Variants in TTC29 observed in about 807,000 individuals in gnomAD.
TTC29 encodes the protein tetratricopeptide repeat domain 29.
A neutral mutation model predicts 58.1 loss-of-function variants in TTC29; 49 were observed. That is an observed-to-expected ratio of 0.84 (90% CI 0.67 to 1.07). The LOEUF is 1.07. TTC29 is among the 50% of genes least tolerant of loss of function. The pLI, the probability that TTC29 is intolerant of heterozygous loss-of-function variation, is 0.00. For missense variants in TTC29, 582 were observed against 555.6 expected (o/e 1.05, Z -0.48); for synonymous variants, 209 against 196.8 (o/e 1.06, Z -0.52).
intron 4 of TTC29, among the ~76,000 whole-genome samples, chr4:146,917,522 A>G (rs1734304349): frequency 6.8e-6 from 1 of 146,334 alleles, no homozygotes; most frequent in Non-Finnish European, 1.5e-5. Context: ...TTACCATTAT[A>G]TATTTTATAT....
chr4:146,776,099 T>C (rs112284697), intron 11 of TTC29, among the ~76,000 whole-genome samples: 1 of 152,384 alleles, frequency 6.6e-6, no homozygotes, highest in African/African-American at 2.4e-5. Flanking sequence ...TTTGCAATTG[T>C]ATTCTGAAAT....
At chr4:146,754,046 A>C (rs879750163) in intron 11 of TTC29, among the ~76,000 whole-genome samples, 23 of 152,218 alleles carry the variant, frequency 1.5e-4, no homozygotes, top group Non-Finnish European at 2.8e-4. Flanking sequence ...CTAAAACTTA[A>C]AGTATAATAA....
At chr4:146,776,042 G>A (rs1177551621) in intron 11 of TTC29, among the ~76,000 whole-genome samples, 3 of 151,824 alleles carry the variant, frequency 2.0e-5, no homozygotes, top group Admixed American at 1.3e-4. Flanking sequence ...ACCAGTCTTC[G>A]AGCTCTGAGC....
At chr4:146,893,936 T>C (rs1732570232) in intron 6 of TTC29, among the ~76,000 whole-genome samples, 1 of 152,118 alleles carries the variant, frequency 6.6e-6, no homozygotes, top group African/African-American at 2.4e-5. Flanking sequence ...AAAATACTCA[T>C]CATCACTGGC....
chr4:146,775,835 C>T (rs534584171), intron 11 of TTC29, among the ~76,000 whole-genome samples: 62 of 152,218 alleles, frequency 4.1e-4, no homozygotes, highest in Non-Finnish European at 7.2e-4. Context: ...GGATGAAATC[C>T]TAAAATATGT....
chr4:146,717,357 C>A (rs1430018428), intron 11 of TTC29, among the ~76,000 whole-genome samples: 1 of 152,110 alleles, frequency 6.6e-6, no homozygotes, highest in Non-Finnish European at 1.5e-5. Flanking sequence ...CGGTTCACTG[C>A]AATCTCTGCC....
chr4:146,719,072 T>G (rs1298348314), intron 11 of TTC29, among the ~76,000 whole-genome samples: 1 of 152,134 alleles, frequency 6.6e-6, no homozygotes, highest in Non-Finnish European at 1.5e-5. Context: ...TCAATAACTC[T>G]ATTTTTTGCC....
chr4:146,731,268 A>G (rs1433953347), intron 11 of TTC29, among the ~76,000 whole-genome samples: 1 of 152,060 alleles, frequency 6.6e-6, no homozygotes, highest in Non-Finnish European at 1.5e-5. Flanking sequence ...GAGAGCAAAT[A>G]TAGGGAGGAG....
chr4:146,935,723 C>A (rs1227277364), intron 4 of TTC29, among the ~76,000 whole-genome samples: 2 of 152,112 alleles, frequency 1.3e-5, no homozygotes, highest in Non-Finnish European at 2.9e-5. Context: ...AAGTATTTTA[C>A]AATAAAATAT....
chr4:146,776,999 C>T (rs992515877), intron 11 of TTC29, among the ~76,000 whole-genome samples: 1 of 150,722 alleles, frequency 6.6e-6, no homozygotes. Context: ...TTCACACTGG[C>T]GGTGGTGGTG....
At chr4:146,882,919 C>T (rs551163259) in intron 6 of TTC29, among the ~76,000 whole-genome samples, 15 of 151,752 alleles carry the variant, frequency 9.9e-5, no homozygotes, top group South Asian at 2.1e-4. Flanking sequence ...ATGTGCCAGG[C>T]GTGACACTAG....
chr4:146,823,355 T>TAGGA (rs1751970252), intron 9 of TTC29, among the ~76,000 whole-genome samples: 1 of 152,220 alleles, frequency 6.6e-6, no homozygotes, highest in Non-Finnish European at 1.5e-5. Context: ...ATTTACTGAA[T>TAGGA]AGGAGATCCT....
chr4:146,818,068 C>A (rs1048555184), intron 10 of TTC29, among the ~76,000 whole-genome samples: 5 of 152,040 alleles, frequency 3.3e-5, no homozygotes, highest in Admixed American at 6.6e-5. Flanking sequence ...GCAACAAAAG[C>A]CAAAATTGAC....
chr4:146,916,201 G>T (rs1274565891), intron 4 of TTC29, among the ~76,000 whole-genome samples: 1 of 151,668 alleles, frequency 6.6e-6, no homozygotes, highest in Non-Finnish European at 1.5e-5. Context: ...AATTTAAAAA[G>T]TCATTTCTTG....
At chr4:146,769,018 A>G (rs998658913) in intron 11 of TTC29, among the ~76,000 whole-genome samples, 1 of 152,020 alleles carries the variant, frequency 6.6e-6, no homozygotes, top group Non-Finnish European at 1.5e-5. Flanking sequence ...AAATTACTAT[A>G]TCAATCAGCA....
At chr4:146,867,630 T>C (rs1290565822) in intron 7 of TTC29, 47 bp from the exon 8 acceptor site, 3 of 898,700 alleles carry the variant, frequency 3.3e-6, no homozygotes, top group Non-Finnish European at 5.0e-6. Context: ...ATAAATGATT[T>C]ATTACAACAA....
chr4:146,868,450 C>T (rs1476872361), intron 7 of TTC29, among the ~76,000 whole-genome samples: 1 of 152,074 alleles, frequency 6.6e-6, no homozygotes, highest in African/African-American at 2.4e-5. Flanking sequence ...AAATTCCATG[C>T]ATATTTGAAA....
At chr4:146,846,257 A>G (rs1486058632) in intron 8 of TTC29, among the ~76,000 whole-genome samples, 1 of 152,216 alleles carries the variant, frequency 6.6e-6, no homozygotes, top group Non-Finnish European at 1.5e-5. Flanking sequence ...GATTGACACA[A>G]GAACCCCCTA....
chr4:146,874,152 T>C (rs1001069937), intron 7 of TTC29, among the ~76,000 whole-genome samples: 3 of 152,126 alleles, frequency 2.0e-5, no homozygotes, highest in African/African-American at 7.2e-5. Context: ...CTGGGTATCT[T>C]GCTAACCTGA....
Sources: gnomAD v4.1 joint callset for allele counts (sites outside exome capture counted in the v4.1 genomes callset) on GRCh38, gnomAD v4.1.1 for gene constraint, MANE v1.5 for transcripts, NCBI Gene and HGNC (gene_info 2026-07-23, HGNC 2026-07-21) for gene names.